The following KIAA1217 variants were observed in gnomAD, a reference collection of about 807,000 sequenced individuals.
The protein encoded by KIAA1217 is KIAA1217.
A neutral mutation model predicts 163.9 loss-of-function variants in KIAA1217; 88 were observed. That is an observed-to-expected ratio of 0.54 (90% CI 0.45 to 0.64). The LOEUF (loss-of-function observed/expected upper bound fraction) is 0.64, where lower values mean the gene tolerates loss of function less well. Ranked by LOEUF, KIAA1217 falls within the 30% of genes least tolerant of loss-of-function variation. KIAA1217 has a pLI of 0.00. For synonymous variants in KIAA1217, 903 were observed against 923.1 expected (o/e 0.98, Z 0.39); for missense variants, 2,372 against 2,475.0 (o/e 0.96, Z 0.88).
intron 2 of KIAA1217, among the ~76,000 whole-genome samples, chr10:24,059,101 T>C (rs1005472644): frequency 6.6e-6 from 1 of 152,206 alleles, no homozygotes; most frequent in Admixed American, 6.5e-5. Context: ...GGTTTCAATT[T>C]TATAATTACA....
intron 1 of KIAA1217, among the ~76,000 whole-genome samples, chr10:23,721,797 G>A (rs2130764900): frequency 2.0e-5 from 3 of 152,112 alleles, no homozygotes; most frequent in African/African-American, 7.2e-5. Context: ...CCAAATGCCT[G>A]AAGCTCAGAA....
At chr10:24,545,192 T>C (rs2135528407) in intron 20 of KIAA1217, 89 bp downstream of exon 20, 1 of 1,561,680 alleles carries the variant, frequency 6.4e-7, no homozygotes. Flanking sequence ...TGTGCTTTCT[T>C]TGTAAGATAA....
chr10:24,047,063 G>A (rs1849084423), intron 2 of KIAA1217, among the ~76,000 whole-genome samples: 1 of 152,202 alleles, frequency 6.6e-6, no homozygotes, highest in South Asian at 2.1e-4. Context: ...AAAGAAGTGG[G>A]AAAGGATGAG....
intron 2 of KIAA1217, among the ~76,000 whole-genome samples, chr10:24,075,126 AC>A: frequency 8.5e-6 from 1 of 117,784 alleles, no homozygotes; most frequent in South Asian, 2.3e-4. Context: ...AAATACACAC[AC>A]ACACACACAC....
At chr10:24,169,629 A>C (rs954439819) in intron 2 of KIAA1217, among the ~76,000 whole-genome samples, 1 of 152,056 alleles carries the variant, frequency 6.6e-6, no homozygotes, top group Non-Finnish European at 1.5e-5. Flanking sequence ...TTCAATCAGC[A>C]AGTCCATCAA....
intron 1 of KIAA1217, among the ~76,000 whole-genome samples, chr10:23,849,468 C>G (rs982707005): frequency 2.6e-5 from 4 of 151,998 alleles, no homozygotes; most frequent in African/African-American, 7.2e-5. Flanking sequence ...CCTGGAGTGG[C>G]ACCTGATTGA....
intron 2 of KIAA1217, among the ~76,000 whole-genome samples, chr10:24,287,935 C>G (rs191393246): frequency 6.6e-6 from 1 of 152,122 alleles, no homozygotes; most frequent in African/African-American, 2.4e-5. Context: ...TTCACTCTGG[C>G]CTTTAGTAGC....
intron 1 of KIAA1217, among the ~76,000 whole-genome samples, chr10:23,906,195 T>C (rs958016047): frequency 2.0e-5 from 3 of 151,970 alleles, no homozygotes; most frequent in Non-Finnish European, 4.4e-5. Context: ...TATTGTTGCA[T>C]TGGGGATTAA....
chr10:24,385,397 C>T (rs2053873801), intron 3 of KIAA1217, among the ~76,000 whole-genome samples: 1 of 152,102 alleles, frequency 6.6e-6, no homozygotes, highest in South Asian at 2.1e-4. Context: ...GTTTTGGACC[C>T]GTCTTAGACA....
intron 1 of KIAA1217, among the ~76,000 whole-genome samples, chr10:23,835,739 AT>A (rs367838513): frequency 1.2e-3 from 187 of 150,426 alleles, no homozygotes; most frequent in Non-Finnish European, 1.7e-3. Context: ...TAAGAATATG[AT>A]TTTTTTTTTC....
chr10:24,465,112 CT>C (rs1411697869), intron 5 of KIAA1217, among the ~76,000 whole-genome samples: 1 of 152,206 alleles, frequency 6.6e-6, no homozygotes, highest in Non-Finnish European at 1.5e-5. Context: ...AAAACAAAAC[CT>C]GCCTAATGTA....
chr10:24,494,126 A>G (rs1256139893), intron 6 of KIAA1217, among the ~76,000 whole-genome samples: 1 of 152,208 alleles, frequency 6.6e-6, no homozygotes, highest in Non-Finnish European at 1.5e-5. Context: ...GTGTGCAGCT[A>G]GGTGAGATCT....
At chr10:24,420,973 T>C (rs989648079) in intron 3 of KIAA1217, among the ~76,000 whole-genome samples, 12 of 151,560 alleles carry the variant, frequency 7.9e-5, no homozygotes, top group African/African-American at 2.7e-4. Flanking sequence ...AATTGCCAGA[T>C]TGATGTTATA....
chr10:24,362,192 C>G (rs2050122995), intron 2 of KIAA1217, among the ~76,000 whole-genome samples: 1 of 152,116 alleles, frequency 6.6e-6, no homozygotes, highest in Non-Finnish European at 1.5e-5. Context: ...GATCTCACTT[C>G]ATCCTCCCAG....
intron 1 of KIAA1217, among the ~76,000 whole-genome samples, chr10:23,853,088 T>A (rs1839442359): frequency 6.6e-6 from 1 of 152,242 alleles, no homozygotes; most frequent in Admixed American, 6.5e-5. Flanking sequence ...CCCTGTCTTG[T>A]GCCAGTTTTC....
intron 1 of KIAA1217, among the ~76,000 whole-genome samples, chr10:23,844,046 C>T (rs1588930851): frequency 1.3e-5 from 2 of 152,246 alleles, no homozygotes; most frequent in East Asian, 3.9e-4. Flanking sequence ...AGCTGTATAG[C>T]TACAAGGTAT....
At chr10:24,313,469 A>G (rs2042962796) in intron 2 of KIAA1217, among the ~76,000 whole-genome samples, 1 of 152,164 alleles carries the variant, frequency 6.6e-6, no homozygotes, top group Non-Finnish European at 1.5e-5. Context: ...CAGTCCAATT[A>G]AGAGCAAAGG....
chr10:23,793,090 A>C (rs1836033355), intron 1 of KIAA1217, among the ~76,000 whole-genome samples: 1 of 152,020 alleles, frequency 6.6e-6, no homozygotes, highest in African/African-American at 2.4e-5. Flanking sequence ...TTTCTGCTCC[A>C]GACCGTGTCA....
intron 6 of KIAA1217, chr10:24,481,424 A>G (rs1287108881): frequency 6.6e-6 from 1 of 152,140 alleles, no homozygotes; most frequent in Non-Finnish European, 1.5e-5. Flanking sequence ...GAGAGTGACA[A>G]TGTCTCCTTG....
Sources: allele counts gnomAD v4.1 joint callset (sites outside exome capture counted in the v4.1 genomes callset), GRCh38; gene constraint gnomAD v4.1.1; transcripts MANE v1.5; gene names NCBI Gene and HGNC (gene_info 2026-07-23, HGNC 2026-07-21).